Variants in ATP1B1 observed in about 807,000 individuals in gnomAD.
ATP1B1 encodes sodium/potassium-transporting ATPase subunit beta-1.
In ATP1B1, 3 loss-of-function variants were observed where a neutral mutation model predicts 39.6. That is an observed-to-expected ratio of 0.08 (90% CI 0.03 to 0.20). The LOEUF (loss-of-function observed/expected upper bound fraction) is 0.20, where lower values mean the gene tolerates loss of function less well. ATP1B1 is among the 10% of genes least tolerant of loss of function. The pLI is 1.00. For missense variants in ATP1B1, 216 were observed against 371.1 expected (o/e 0.58, Z 3.43); for synonymous variants, 139 against 135.0 (o/e 1.03, Z -0.20).
chr1:169,131,661 C>G lies in ATP1B1; in HGVS notation c.*106C>G. On this transcript the variant is annotated 3_prime_UTR_variant, in exon 6 of 6. Transcript: ENST00000367815. This position sits in a 1 kb window ranked among gnomAD's most constrained non-coding sequence, Gnocchi z 4.4. ...AACTGTCATACGTATGGGACCTACA[C>G]TTAATCTATATGCTTTACACTAGCT... 2.3e-6 allele frequency: 3 copies of G among 1,296,536 alleles called. No homozygotes were observed. Among genetic ancestry groups the G allele is most frequent in the Admixed American group, 2.5e-5 (1 of 39,720 alleles). The allele number at this position is 1,296,536 out of a possible 1,614,324, so 80.3% of individuals were successfully genotyped here. A position where few individuals can be genotyped will look rare whatever the true frequency, so the allele number is the denominator to read the frequency against.
intron 2 of ATP1B1, among the ~76,000 whole-genome samples, chr1:169,120,107 A>G (rs972079927): frequency 9.2e-5 from 14 of 152,136 alleles, no homozygotes; most frequent in African/African-American, 3.4e-4. Flanking sequence ...TCAGGCCATC[A>G]GGCTTCGGAT....
rs1263482283 is a variant in ATP1B1, at chr1:169,131,169, G to A, written c.649-123G>A. 3 of 1,243,078 alleles carry A rather than the reference G, an allele frequency of 2.4e-6. No homozygotes were observed. Among genetic ancestry groups the A allele is most frequent in the Non-Finnish European group, 3.4e-6 (3 of 883,774 alleles). The allele number at this position is 1,243,078 out of a possible 1,614,324, so 77.0% of individuals were successfully genotyped here. ...TCTCAAGGCTGCAATGGAATAGACT[G>A]AGTAGATGTTCTTTCCTCTCTCAGT... On this transcript the variant is annotated intron_variant, in intron 5 of 5. Coordinates refer to ENST00000367815, the MANE Select transcript of ATP1B1 (RefSeq NM_001677.4). This position sits in a 1 kb window ranked among gnomAD's most constrained non-coding sequence, Gnocchi z 4.4.
intron 1 of ATP1B1, among the ~76,000 whole-genome samples, chr1:169,110,247 C>T (rs955210532): frequency 5.9e-5 from 9 of 152,128 alleles, no homozygotes; most frequent in African/African-American, 1.9e-4. Context: ...CCACTCCCTC[C>T]CTGGCCCCCT....
chr1:169,126,429 G>C (rs1366038514), intron 3 of ATP1B1, among the ~76,000 whole-genome samples: 3 of 152,096 alleles, frequency 2.0e-5, no homozygotes, highest in Non-Finnish European at 4.4e-5. Flanking sequence ...TTTATATGAG[G>C]ATTGAATTAA....
intron 4 of ATP1B1, among the ~76,000 whole-genome samples, chr1:169,128,708 C>A (rs376772007): frequency 7.0e-4 from 107 of 152,252 alleles, no homozygotes; most frequent in African/African-American, 2.4e-3. Flanking sequence ...GTGGCATGGC[C>A]AAGAGAAGAC....
chr1:169,114,773 C>T (rs558704759), intron 2 of ATP1B1, among the ~76,000 whole-genome samples: 1 of 152,214 alleles, frequency 6.6e-6, no homozygotes, highest in Admixed American at 6.5e-5. Flanking sequence ...CCTGTAATCC[C>T]AGCACTTTGA....
chr1:169,110,620 T>A, intron 1 of ATP1B1: 1 of 1,274,428 alleles, frequency 7.8e-7, no homozygotes, highest in Non-Finnish European at 1.0e-6. Flanking sequence ...CATCCTGTTG[T>A]CTTGTTAACT....
Position 169,106,705 on chromosome 1 carries a change from G to T in ATP1B1, c.-125G>T, listed in dbSNP as rs955836260. 1.5e-6 allele frequency: 1 copy of T among 645,698 alleles called. No individual in the cohort carries two copies. The highest frequency in any genetic ancestry group is 2.0e-5 in the African/African-American group (1 of 50,554). 40.0% of individuals were successfully genotyped at this position (645,698 alleles called of 1,614,324 possible). A position where few individuals can be genotyped will look rare whatever the true frequency, so the allele number is the denominator to read the frequency against. On this transcript the variant is annotated 5_prime_UTR_variant, in exon 1 of 6. Transcript: ENST00000367815. ...CGCGTCTCGCACTCCGAGAGCCGCA[G>T]CGGCAGCGGCGCGTCCTGCCTGCAG...
intron 2 of ATP1B1, among the ~76,000 whole-genome samples, chr1:169,114,736 G>A (rs957565611): frequency 4.6e-5 from 7 of 152,218 alleles, no homozygotes; most frequent in East Asian, 1.9e-4. Context: ...TTACAAAGTC[G>A]TGTTGCAGCC....
At chr1:169,126,414 T>A (rs1658086865) in intron 3 of ATP1B1, among the ~76,000 whole-genome samples, 1 of 152,252 alleles carries the variant, frequency 6.6e-6, no homozygotes, top group East Asian at 1.9e-4. Flanking sequence ...GGTCTTTTTC[T>A]GGCTTTTATA....
chr1:169,106,778 C>T lies in ATP1B1; in HGVS notation c.-52C>T. The stretch of plus-strand genomic sequence containing the variant: ...GCGGCGCAGAGGACGCCAGGGCGCG[C>T]GCCGCAGCCACCCACCCTCCGGACC... On this transcript the variant is annotated 5_prime_UTR_variant, in exon 1 of 6. Transcript: ENST00000367815. The T allele has an allele frequency of 2.7e-6, 4 of 1,472,182 alleles. No homozygotes were observed. Among genetic ancestry groups the T allele is most frequent in the Non-Finnish European group, 3.7e-6 (4 of 1,088,856 alleles). The allele number at this position is 1,472,182 out of a possible 1,614,324, so 91.2% of individuals were successfully genotyped here.
intron 2 of ATP1B1, 50 bp downstream of exon 2, chr1:169,111,548 C>T: frequency 6.3e-7 from 1 of 1,577,236 alleles, no homozygotes; most frequent in South Asian, 1.2e-5. Context: ...GCATGGGTGT[C>T]ACTTTTTCTA....
Position 169,131,168 on chromosome 1 carries a change from T to C in ATP1B1, c.649-124T>C. 1 of 1,236,840 alleles carries C rather than the reference T, an allele frequency of 8.1e-7. No homozygotes were observed. Among genetic ancestry groups the C allele is most frequent in the Non-Finnish European group, 1.1e-6 (1 of 879,706 alleles). The allele number at this position is 1,236,840 out of a possible 1,614,324, so 76.6% of individuals were successfully genotyped here. ...TTCTCAAGGCTGCAATGGAATAGAC[T>C]GAGTAGATGTTCTTTCCTCTCTCAG... On this transcript the variant is annotated intron_variant, in intron 5 of 5. Coordinates refer to ENST00000367815, the MANE Select transcript of ATP1B1 (RefSeq NM_001677.4). This position sits in a 1 kb window ranked among gnomAD's most constrained non-coding sequence, Gnocchi z 4.4.
intron 2 of ATP1B1, among the ~76,000 whole-genome samples, chr1:169,123,887 A>G (rs1472733848): frequency 1.3e-5 from 2 of 152,230 alleles, no homozygotes; most frequent in African/African-American, 4.8e-5. Context: ...TTGGCCTCCC[A>G]AAGTGTTGGG....
intron 1 of ATP1B1, chr1:169,110,590 T>TTTTTTTTG: frequency 1.8e-6 from 2 of 1,097,426 alleles, no homozygotes; most frequent in Admixed American, 3.6e-5. Flanking sequence ...TTTTTTTGCT[T>TTTTTTTTG]TTGCAGCTAT....
intron 2 of ATP1B1, among the ~76,000 whole-genome samples, chr1:169,119,776 C>A (rs916868769): frequency 6.6e-6 from 1 of 151,246 alleles, no homozygotes; most frequent in Non-Finnish European, 1.5e-5. Flanking sequence ...CCCTGCTAAA[C>A]CCACTGTGAA....
chr1:169,120,935 TTTTTC>T lies in ATP1B1; in HGVS notation c.227-3934_227-3930del, dbSNP rs755560637. Among the ~76,000 whole-genome samples, 49 of 148,228 alleles carry T rather than the reference TTTTTC, an allele frequency of 3.3e-4. 1 individual carries two copies. Among genetic ancestry groups the T allele is most frequent in the African/African-American group, 1.0e-3 (42 of 40,300 alleles). On this transcript the variant is annotated intron_variant, in intron 2 of 5. Coordinates refer to ENST00000367815, the MANE Select transcript of ATP1B1 (RefSeq NM_001677.4). ...ATCTTAGATATTTTTTTTCTTTCTC[TTTTTC>T]TTTTCTTTTCTTTTTTTTTTTTTTT...
intron 2 of ATP1B1, among the ~76,000 whole-genome samples, chr1:169,120,201 T>G (rs764822910): frequency 3.9e-5 from 6 of 152,192 alleles, no homozygotes; most frequent in Non-Finnish European, 7.3e-5. Flanking sequence ...GAAGAGCTAC[T>G]AAGGAGGCAG....
intron 2 of ATP1B1, among the ~76,000 whole-genome samples, chr1:169,121,793 A>G (rs1657985291): frequency 6.6e-6 from 1 of 152,220 alleles, no homozygotes; most frequent in Admixed American, 6.5e-5. Flanking sequence ...GAGACTCTCC[A>G]AATCTCAGTA....
Sources: gnomAD v4.1 joint callset for allele counts (sites outside exome capture counted in the v4.1 genomes callset) on GRCh38, gnomAD v4.1.1 for gene constraint, Gnocchi (gnomAD v3.1) non-coding constraint, MANE v1.5 for transcripts, NCBI Gene and HGNC (gene_info 2026-07-23, HGNC 2026-07-21) for gene names.